The following FBXO22 variants were observed in gnomAD, a reference collection of about 807,000 sequenced individuals.
FBXO22 encodes F-box only protein 22.
Under a neutral mutation model 37.2 loss-of-function variants are expected in FBXO22, and 13 were observed. The ratio of observed to expected loss-of-function variants is 0.35; its 90% confidence interval spans 0.23 to 0.56. The LOEUF (loss-of-function observed/expected upper bound fraction) is 0.56, where lower values mean the gene tolerates loss of function less well. Among genes scored for constraint, FBXO22 ranks in the 20% least tolerant of loss-of-function variants. The probability of loss-of-function intolerance (pLI) is 0.87; values close to 1 mark genes in which losing one functional copy is unlikely to be tolerated. For synonymous variants in FBXO22, 189 were observed against 189.1 expected, an observed-to-expected ratio of 1.00 and a Z score of 0.00; for missense variants, 446 against 509.9, an observed-to-expected ratio of 0.87 and a Z score of 1.21.
chr15:75,919,614 AT>A (rs1263087800), intron 5 of FBXO22, among the ~76,000 whole-genome samples: 4 of 152,368 alleles, frequency 2.6e-5, no homozygotes, highest in African/African-American at 9.6e-5. Flanking sequence ...AATTGTGAAG[AT>A]TAAATGAAAT....
rs1000629539 is a variant in FBXO22 at position 75,937,476 on chromosome 15, T to G, written c.*4374T>G. 1.2e-4 allele frequency: 15 copies of G among 121,874 alleles called. No homozygotes were observed. The highest frequency in any genetic ancestry group is 4.7e-4 in the African/African-American group (15 of 31,952). 7.5% of individuals were successfully genotyped at this position (121,874 alleles called of 1,614,324 possible). ...GTGAGCCGAGATCGTGCCACTGCAC[T>G]CCAGCCTGGGCAATGGAGCAAGACT... On this transcript the variant is annotated 3_prime_UTR_variant, in exon 7 of 7. Coordinates refer to ENST00000308275, the MANE Select transcript of FBXO22 (RefSeq NM_147188.3).
intron 6 of FBXO22, among the ~76,000 whole-genome samples, chr15:75,931,536 G>A (rs529666737): frequency 1.3e-5 from 2 of 152,268 alleles, no homozygotes; most frequent in African/African-American, 4.8e-5. Flanking sequence ...GACGGATTTT[G>A]CCCCTCACAA....
At chr15:75,906,860 CCTAATGTTAAT>C (rs1428655899) in intron 2 of FBXO22, among the ~76,000 whole-genome samples, 1 of 152,114 alleles carries the variant, frequency 6.6e-6, no homozygotes, top group Non-Finnish European at 1.5e-5. Context: ...ATACTAAAAA[CCTAATGTTAAT>C]CTAATAAATA....
intron 2 of FBXO22, among the ~76,000 whole-genome samples, chr15:75,906,079 A>G (rs937122981): frequency 2.0e-5 from 3 of 152,174 alleles, no homozygotes; most frequent in African/African-American, 7.2e-5. Flanking sequence ...TTGGTGCTCA[A>G]ATTACCCCTC....
chr15:75,930,188 T>G, intron 6 of FBXO22, 139 bp downstream of exon 6: 10 of 1,494,428 alleles, frequency 6.7e-6, no homozygotes, highest in Non-Finnish European at 8.9e-6. Context: ...TAGTAGACAT[T>G]GGCTAAGGGG....
At position 75,934,434 on chromosome 15, in the gene FBXO22, T is replaced by G. The variant is rs893366786; in HGVS notation, c.*1332T>G. The G allele has an allele frequency of 5.3e-5, 8 of 152,368 alleles. No individual in the cohort carries two copies. The highest frequency in any genetic ancestry group is 1.9e-4 in the East Asian group (1 of 5,194). The allele number at this position is 152,368 out of a possible 1,614,324, so 9.4% of individuals were successfully genotyped here. A position where few individuals can be genotyped will look rare whatever the true frequency, so the allele number is the denominator to read the frequency against. ...TATGATGTAACTAATGTTACTTTTG[T>G]AACAGTCAGTGGTTTGTTCTAACAG... On this transcript the variant is annotated 3_prime_UTR_variant, in exon 7 of 7. Transcript: ENST00000308275.
At position 75,913,308 on chromosome 15, in the gene FBXO22, A is replaced by G. The variant is rs756518499; in HGVS notation, c.367+18A>G. 16 of 1,533,756 alleles carry G rather than the reference A, an allele frequency of 1.0e-5. No individual in the cohort carries two copies. The Admixed American group carries it at 1.9e-4, about 18-fold the overall frequency. On this transcript the variant is annotated intron_variant, in intron 3 of 6. Transcript: ENST00000308275. ...TAAGAGAGGTAAATATCAAAAGAAA[A>G]GCTTTTGCTTCTGTTTTTTTATCAT...
intron 5 of FBXO22, among the ~76,000 whole-genome samples, chr15:75,928,528 A>G (rs1216473539): frequency 2.0e-5 from 3 of 152,216 alleles, no homozygotes; most frequent in African/African-American, 7.2e-5. Flanking sequence ...TGGGAGCTAA[A>G]TGATGAGAAT....
intron 2 of FBXO22, among the ~76,000 whole-genome samples, chr15:75,907,570 A>G (rs1276929747): frequency 6.6e-6 from 1 of 152,112 alleles, no homozygotes; most frequent in Non-Finnish European, 1.5e-5. Flanking sequence ...TTATAGCCAT[A>G]AAGAAAGTTG....
Position 75,917,388 on chromosome 15 carries a change from G to C in FBXO22, c.622G>C (p.Glu208Gln). 6.3e-7 allele frequency: 1 copy of C among 1,574,902 alleles called. No individual in the cohort carries two copies. Among genetic ancestry groups the C allele is most frequent in the Non-Finnish European group, 8.7e-7 (1 of 1,155,304 alleles). Residue 208 changes from glutamate (E) to glutamine (Q), a missense_variant, in exon 5 of 7, where the codon GAA becomes CAA. Physicochemically the swap from Glu to Gln is conservative, Grantham distance 29 (BLOSUM62 2). This residue lies in a region of FBXO22 where 315 missense variants were observed against 410.1 expected (regional missense o/e 0.77). Coordinates refer to ENST00000308275, the MANE Select transcript of FBXO22 (RefSeq NM_147188.3). ...NLTLERHQLTEVGLLDNPELR... is the reference protein window; with the variant it reads ...NLTLERHQLTQVGLLDNPELR... ...AACATTAGAAAGACATCAACTCACT[G>C]AAGTAGGTAAGTTACTTTTATTTAT...
intron 2 of FBXO22, among the ~76,000 whole-genome samples, chr15:75,909,910 T>C (rs1324107464): frequency 6.6e-6 from 1 of 152,144 alleles, no homozygotes; most frequent in East Asian, 1.9e-4. Flanking sequence ...ATGCTATCCC[T>C]TCCCTAATCT....
chr15:75,915,550 G>A (rs1292946155), intron 4 of FBXO22, among the ~76,000 whole-genome samples: 1 of 151,964 alleles, frequency 6.6e-6, no homozygotes, highest in East Asian at 1.9e-4. Flanking sequence ...CGGATCACTT[G>A]AAGTCAGGAG....
At position 75,934,698 on chromosome 15, in the gene FBXO22, T is replaced by C. The variant is rs1489066809; in HGVS notation, c.*1596T>C. The C allele has an allele frequency of 6.6e-6, 1 of 152,240 alleles. No individual in the cohort carries two copies. The highest frequency in any genetic ancestry group is 1.5e-5 in the Non-Finnish European group (1 of 68,040). The allele number at this position is 152,240 out of a possible 1,614,324, so 9.4% of individuals were successfully genotyped here. The stretch of plus-strand genomic sequence containing the variant: ...CTTTTCATCTATGAATATTTATATT[T>C]AGCTCTTGCTATTTAGCTATTATCA... On this transcript the variant is annotated 3_prime_UTR_variant, in exon 7 of 7. Transcript: ENST00000308275.
chr15:75,911,368 T>C (rs1056456003), intron 2 of FBXO22, among the ~76,000 whole-genome samples: 6 of 152,198 alleles, frequency 3.9e-5, no homozygotes, highest in African/African-American at 1.4e-4. Flanking sequence ...ATGGGCATTT[T>C]CACGATATCG....
In FBXO22 at chr15:75,941,078, C is replaced by G. The variant is rs1470189827; in HGVS notation, c.*7976C>G. On this transcript the variant is annotated 3_prime_UTR_variant, in exon 7 of 7. Transcript: ENST00000308275. ...AACATCCAGAATACATACAAAACTC[C>G]CAAAATGCAACAACAGTGTAAAAAC... is the stretch of plus-strand genomic sequence containing the variant. 2.0e-5 allele frequency: 3 copies of G among 152,012 alleles called. No individual in the cohort carries two copies. The highest frequency in any genetic ancestry group is 2.4e-5 in the African/African-American group (1 of 41,392). 9.4% of individuals were successfully genotyped at this position (152,012 alleles called of 1,614,324 possible).
At chr15:75,929,031 C>T (rs1019810542) in intron 5 of FBXO22, among the ~76,000 whole-genome samples, 10 of 152,092 alleles carry the variant, frequency 6.6e-5, no homozygotes, top group East Asian at 1.9e-4. Flanking sequence ...TGACATAAAA[C>T]GAGAAATTTA....
rs188178010 is a variant in FBXO22 at position 75,940,064 on chromosome 15, T to C, written c.*6962T>C. The C allele has an allele frequency of 6.6e-6, 1 of 150,884 alleles. No homozygotes were observed. Among genetic ancestry groups the C allele is most frequent in the Admixed American group, 6.6e-5 (1 of 15,154 alleles). The allele number at this position is 150,884 out of a possible 1,614,324, so 9.3% of individuals were successfully genotyped here. A position where few individuals can be genotyped will look rare whatever the true frequency, so the allele number is the denominator to read the frequency against. ...TTGGAAAGTAAGAAGTAAAATCCTA[T>C]ATGTTCACAAATGATATGATCTTTA... On this transcript the variant is annotated 3_prime_UTR_variant, in exon 7 of 7. Transcript: ENST00000308275.
intron 2 of FBXO22, among the ~76,000 whole-genome samples, chr15:75,911,244 C>T (rs557351222): frequency 6.6e-6 from 1 of 152,276 alleles, no homozygotes; most frequent in South Asian, 2.1e-4. Flanking sequence ...CCTGGCTATA[C>T]AGGCTCTTTA....
chr15:75,919,423 A>G (rs1027199811), intron 5 of FBXO22, among the ~76,000 whole-genome samples: 3 of 152,204 alleles, frequency 2.0e-5, no homozygotes, highest in African/African-American at 7.2e-5. Flanking sequence ...TGATAAATAC[A>G]TACAATTTTA....
Sources: allele counts gnomAD v4.1 joint callset (sites outside exome capture counted in the v4.1 genomes callset), GRCh38; gene constraint gnomAD v4.1.1; regional missense constraint gnomAD v4.1.1; transcripts MANE v1.5; gene names NCBI Gene and HGNC (gene_info 2026-07-23, HGNC 2026-07-21).